Variants in CFAP61 observed in about 807,000 individuals in gnomAD.
CFAP61 encodes the protein cilia and flagella associated protein 61, also known as cilia- and flagella-associated protein 61.
CFAP61 carries 107 observed loss-of-function variants against 135.6 expected under a neutral mutation model. The observed-to-expected ratio is 0.79, with a 90% CI of 0.67 to 0.93. The LOEUF (loss-of-function observed/expected upper bound fraction) is 0.93. CFAP61 is among the 40% of genes least tolerant of loss of function. CFAP61 has a pLI of 0.00. For missense variants in CFAP61, 1,507 were observed against 1,556.2 expected (o/e 0.97, Z 0.53); for synonymous variants, 575 against 578.5 (o/e 0.99, Z 0.09).
chr20:20,262,834 T>C, intron 20 of CFAP61, 122 bp from the exon 21 acceptor site: 2 of 440,682 alleles, frequency 4.5e-6, no homozygotes, highest in Non-Finnish European at 7.8e-6. Context: ...AAAATCTGAT[T>C]GATTGTATCT....
intron 24 of CFAP61, among the ~76,000 whole-genome samples, chr20:20,291,963 A>G (rs1266947555): frequency 6.6e-6 from 1 of 152,232 alleles, no homozygotes; most frequent in Non-Finnish European, 1.5e-5. Flanking sequence ...GACCAACCTA[A>G]AATAAACACA....
At chr20:20,358,705 T>C (rs2059366474) in intron 26 of CFAP61, among the ~76,000 whole-genome samples, 1 of 152,200 alleles carries the variant, frequency 6.6e-6, no homozygotes, top group South Asian at 2.1e-4. Context: ...TTCCAATGTG[T>C]GCATAATCTC....
intron 5 of CFAP61, 68 bp downstream of exon 5, chr20:20,075,324 T>C: frequency 6.4e-7 from 1 of 1,552,604 alleles, no homozygotes; most frequent in Non-Finnish European, 8.9e-7. Context: ...AGAATGGTGC[T>C]TTGGGGAATG....
intron 2 of CFAP61, among the ~76,000 whole-genome samples, chr20:20,068,670 G>T (rs2045488884): frequency 6.6e-6 from 1 of 152,194 alleles, no homozygotes; most frequent in African/African-American, 2.4e-5. Flanking sequence ...CGTACATCCG[G>T]TGGTACCCAG....
intron 8 of CFAP61, among the ~76,000 whole-genome samples, chr20:20,108,020 T>C (rs531946372): frequency 1.5e-4 from 23 of 152,330 alleles, no homozygotes; most frequent in Middle Eastern, 3.4e-3. Flanking sequence ...AAAAATATTA[T>C]TCATAATAAA....
At position 20,327,777 on chromosome 20, in the gene CFAP61, C is replaced by CAAAAAAAAAAAAAAAAAAAAAAAAAAAAA. The variant is rs60171844; in HGVS notation, c.3423-14026_3423-14025insAAAAAAAAAAAAAAAAAAAAAAAAAAAAA. On this transcript the variant is annotated intron_variant, in intron 25 of 26. Transcript: ENST00000245957. ...CCTGGGCAACAGAGCAAGAGCCTGT[C>CAAAAAAAAAAAAAAAAAAAAAAAAAAAAA]AAAAAAAAAAAAAAAAAAAAAAAAA... Among the ~76,000 whole-genome samples, 5 of 60,346 alleles carry CAAAAAAAAAAAAAAAAAAAAAAAAAAAAA rather than the reference C, an allele frequency of 8.3e-5. 1 individual carries two copies. The highest frequency in any genetic ancestry group is 1.3e-4 in the African/African-American group (2 of 15,776). 39.6% of individuals were successfully genotyped at this position (60,346 alleles called of 152,430 possible).
rs2054054616 is a variant in CFAP61 at position 20,169,320 on chromosome 20, G to A, written c.1246-1G>A. 6.2e-7 allele frequency: 1 copy of A among 1,611,328 alleles called. No homozygotes were observed. Among genetic ancestry groups the A allele is most frequent in the Non-Finnish European group, 8.5e-7 (1 of 1,178,500 alleles). ...TGTGTCCTGGTTTTTGATGATGTTA[G>A]GATAAGAACTTCTGTGTAATTTCTC... On this transcript the variant is annotated splice_acceptor_variant, in intron 12 of 26. Coordinates refer to ENST00000245957, the MANE Select transcript of CFAP61 (RefSeq NM_015585.4). LOFTEE classifies it high-confidence loss of function.
At position 20,360,122 on chromosome 20, in the gene CFAP61, A is replaced by G. The variant is rs1419525025; in HGVS notation, c.3514-88A>G. The G allele has an allele frequency of 3.1e-6, 3 of 961,012 alleles. No homozygotes were observed. In the African/African-American group the frequency reaches 4.9e-5, roughly 16 times the overall value. The allele number at this position is 961,012 out of a possible 1,614,324, so 59.5% of individuals were successfully genotyped here. On this transcript the variant is annotated intron_variant, in intron 26 of 26. Coordinates refer to ENST00000245957, the MANE Select transcript of CFAP61 (RefSeq NM_015585.4). ...AATGACCATCCTTGCAGAGCTGACT[A>G]CTGTTGTTTTCATTCTCATGAAACT...
chr20:20,157,821 A>G (rs2146792720), intron 9 of CFAP61, among the ~76,000 whole-genome samples: 1 of 152,340 alleles, frequency 6.6e-6, no homozygotes, highest in East Asian at 1.9e-4. Flanking sequence ...ACTTTAAGAG[A>G]ATGAAAAGAC....
At chr20:20,221,735 CT>C (rs2048416944) in intron 17 of CFAP61, 1 of 152,192 alleles carries the variant, frequency 6.6e-6, no homozygotes, top group African/African-American at 2.4e-5. Context: ...CTGAAAGGCA[CT>C]CAATCGTTGC....
Position 20,090,882 on chromosome 20 carries a change from G to T in CFAP61, c.605G>T (p.Arg202Leu). Residue 202 changes from arginine (R) to leucine (L), a missense_variant, in exon 7 of 27, where the codon CGC becomes CTC. Coordinates refer to ENST00000245957, the MANE Select transcript of CFAP61 (RefSeq NM_015585.4). ...GACGATCTCATGCCAATATTTATGC[G>T]CTATGACACAATTCTGAAGGAAACT... ...DHDDLMPIFM[R>L]YDTILKETYG... 6.2e-7 allele frequency: 1 copy of T among 1,614,014 alleles called. No homozygotes were observed. The highest frequency in any genetic ancestry group is 1.1e-5 in the South Asian group (1 of 91,068).
In CFAP61 at chr20:20,298,319, C is replaced by G. The variant is rs545460215; in HGVS notation, c.3355C>G (p.Gln1119Glu). The change falls in exon 25 of 27, where the codon CAG becomes GAG. Residue 1119 changes from glutamine (Q) to glutamate (E), a missense_variant. Transcript: ENST00000245957. ...PASNYIRLFG[Q>E]HEQLLNNLCA... Reference sequence around the variant, plus strand: ...CTCCAACTACATCCGCTTGTTTGGCCAGCACGAGCAACTCCTCAACAACCT... The same window carrying G: ...CTCCAACTACATCCGCTTGTTTGGCGAGCACGAGCAACTCCTCAACAACCT... The G allele has an allele frequency of 2.5e-6, 4 of 1,614,136 alleles. No individual in the cohort carries two copies. In the South Asian group the frequency reaches 3.3e-5, roughly 13 times the overall value.
chr20:20,264,350 C>T (rs2052527996), intron 21 of CFAP61, among the ~76,000 whole-genome samples: 1 of 152,080 alleles, frequency 6.6e-6, no homozygotes, highest in African/African-American at 2.4e-5. Context: ...AAGGGTTGCA[C>T]AGAAATTACC....
At chr20:20,122,937 T>C (rs976340259) in intron 8 of CFAP61, among the ~76,000 whole-genome samples, 1 of 151,750 alleles carries the variant, frequency 6.6e-6, no homozygotes, top group South Asian at 2.1e-4. Flanking sequence ...CTGTTTTTTT[T>C]AATATATTTT....
chr20:20,127,626 G>A (rs542919655), intron 8 of CFAP61, among the ~76,000 whole-genome samples: 9 of 148,908 alleles, frequency 6.0e-5, no homozygotes, highest in East Asian at 2.0e-4. Context: ...GGAGGTGACG[G>A]TTGGTGGTGG....
At chr20:20,066,540 C>A (rs147953157) in intron 2 of CFAP61, among the ~76,000 whole-genome samples, 13 of 152,156 alleles carry the variant, frequency 8.5e-5, no homozygotes, top group Non-Finnish European at 1.5e-4. Context: ...ACATGGATGA[C>A]GCTGGAAACC....
intron 18 of CFAP61, among the ~76,000 whole-genome samples, 167 bp from the exon 19 acceptor site, chr20:20,245,950 T>C (rs916259255): frequency 2.6e-5 from 4 of 152,252 alleles, no homozygotes; most frequent in Admixed American, 2.0e-4. Context: ...TCTTCCTTTT[T>C]TCCTTGAAAT....
chr20:20,113,889 A>G (rs1000049185), intron 8 of CFAP61, among the ~76,000 whole-genome samples: 2 of 151,412 alleles, frequency 1.3e-5, no homozygotes, highest in African/African-American at 2.4e-5. Flanking sequence ...CTGGCAGAGT[A>G]AGTCTTTCCA....
chr20:20,198,459 T>G (rs1334065839), intron 16 of CFAP61, among the ~76,000 whole-genome samples: 2 of 152,246 alleles, frequency 1.3e-5, no homozygotes, highest in Non-Finnish European at 2.9e-5. Context: ...CTGTTGTATG[T>G]AGCCTCTAAA....
Sources: gnomAD v4.1 joint callset for allele counts (sites outside exome capture counted in the v4.1 genomes callset) on GRCh38, gnomAD v4.1.1 for gene constraint, MANE v1.5 for transcripts, NCBI Gene and HGNC (gene_info 2026-07-23, HGNC 2026-07-21) for gene names.